Variants in MTUS2 observed in about 807,000 individuals in gnomAD.
The protein encoded by MTUS2 is microtubule-associated tumor suppressor candidate 2.
Under a neutral mutation model 114.1 loss-of-function variants are expected in MTUS2, and 40 were observed. The observed-to-expected ratio is 0.35, with a 90% CI of 0.27 to 0.46. The LOEUF (loss-of-function observed/expected upper bound fraction) is 0.46, where lower values mean the gene tolerates loss of function less well. MTUS2 is among the 20% of genes least tolerant of loss of function. The pLI, the probability that MTUS2 is intolerant of heterozygous loss-of-function variation, is 1.00. For missense variants in MTUS2, 1,679 were observed against 1,705.4 expected (o/e 0.98, Z 0.27); for synonymous variants, 688 against 672.0 (o/e 1.02, Z -0.37).
chr13:29,332,184 G>T (rs1324990233), intron 7 of MTUS2, among the ~76,000 whole-genome samples: 2 of 152,134 alleles, frequency 1.3e-5, no homozygotes, highest in Non-Finnish European at 1.5e-5. Context: ...GAATCCATCC[G>T]GTCCTGGGCC....
chr13:29,435,596 T>C (rs746321903), intron 8 of MTUS2, among the ~76,000 whole-genome samples: 1 of 152,174 alleles, frequency 6.6e-6, no homozygotes, highest in African/African-American at 2.4e-5. Context: ...GAATAACTTT[T>C]TGAGGCAAAG....
chr13:29,478,328 G>A (rs1324927100), intron 9 of MTUS2, among the ~76,000 whole-genome samples: 3 of 152,160 alleles, frequency 2.0e-5, no homozygotes. Context: ...TGGTTAAGTT[G>A]GGGAAAGCCC....
intron 5 of MTUS2, among the ~76,000 whole-genome samples, chr13:29,236,300 T>A (rs1382832135): frequency 6.6e-6 from 1 of 152,332 alleles, no homozygotes; most frequent in East Asian, 1.9e-4. Flanking sequence ...AATATTGTCT[T>A]GTATTCGATA....
At chr13:29,062,177 G>T (rs1011594240) in intron 4 of MTUS2, among the ~76,000 whole-genome samples, 3 of 152,048 alleles carry the variant, frequency 2.0e-5, no homozygotes, top group Non-Finnish European at 1.5e-5. Flanking sequence ...GTAGAGACGG[G>T]GTTTCACCAT....
intron 8 of MTUS2, among the ~76,000 whole-genome samples, chr13:29,406,681 G>A (rs986175170): frequency 5.3e-5 from 8 of 152,174 alleles, no homozygotes; most frequent in African/African-American, 1.9e-4. Flanking sequence ...TCAGAAGATG[G>A]GAATCACTGG....
chr13:29,225,511 A>G (rs1225430809), intron 5 of MTUS2, among the ~76,000 whole-genome samples: 2 of 152,324 alleles, frequency 1.3e-5, no homozygotes, highest in East Asian at 3.9e-4. Flanking sequence ...CTTTTGGTAA[A>G]TCATATCATG....
chr13:29,088,973 T>C (rs897963451), intron 4 of MTUS2, among the ~76,000 whole-genome samples: 9 of 152,214 alleles, frequency 5.9e-5, no homozygotes, highest in Non-Finnish European at 1.3e-4. Flanking sequence ...TCAATATTGA[T>C]ATGTGGTTTG....
intron 2 of MTUS2, among the ~76,000 whole-genome samples, chr13:28,874,945 G>C (rs1877844183): frequency 6.6e-6 from 1 of 152,210 alleles, no homozygotes; most frequent in South Asian, 2.1e-4. Context: ...TCCTACACCA[G>C]TCTTTTGTTC....
chr13:28,976,463 T>C (rs2138275805), intron 2 of MTUS2, among the ~76,000 whole-genome samples: 1 of 152,262 alleles, frequency 6.6e-6, no homozygotes, highest in Admixed American at 6.5e-5. Context: ...ATTTTAAGCT[T>C]GGAACAGGTG....
chr13:29,311,025 C>T (rs1311744346), intron 6 of MTUS2, among the ~76,000 whole-genome samples: 1 of 152,146 alleles, frequency 6.6e-6, no homozygotes, highest in Non-Finnish European at 1.5e-5. Flanking sequence ...GATGTATGCA[C>T]ACAATGGATC....
At chr13:28,880,951 A>G (rs951810995) in intron 2 of MTUS2, among the ~76,000 whole-genome samples, 1 of 152,224 alleles carries the variant, frequency 6.6e-6, no homozygotes, top group Admixed American at 6.5e-5. Context: ...ATGGAAACAC[A>G]GAGGACCTAG....
At chr13:28,949,025 T>C (rs1046628669) in intron 2 of MTUS2, among the ~76,000 whole-genome samples, 6 of 152,238 alleles carry the variant, frequency 3.9e-5, no homozygotes, top group Non-Finnish European at 8.8e-5. Flanking sequence ...GTATTTTATA[T>C]GTAGTATATA....
At position 29,281,724 on chromosome 13, in the gene MTUS2, G is replaced by A; in HGVS notation, c.2665G>A (p.Glu889Lys). ...CACAGGTTCAACCTTTGGGAATGAA[G>A]AACAGCCAGTTCTGAAGGCATCTCT... is the stretch of plus-strand genomic sequence containing the variant. ...PATRSTFGNE[E>K]QPVLKASLPS... is the part of the protein sequence containing the mutation. Residue 889 changes from glutamate to lysine, a missense_variant, in exon 6 of 16, where the codon GAA (glutamate) becomes AAA (lysine). By Grantham distance (56) the Glu-to-Lys change is moderately conservative (BLOSUM62 1). Coordinates refer to ENST00000612955, the MANE Select transcript of MTUS2 (RefSeq NM_001033602.4). The A allele has an allele frequency of 2.5e-6, 4 of 1,609,086 alleles. No homozygotes were observed. Among genetic ancestry groups the A allele is most frequent in the Non-Finnish European group, 2.6e-6 (3 of 1,176,068 alleles).
intron 1 of MTUS2, among the ~76,000 whole-genome samples, chr13:28,825,899 G>T (rs1874237273): frequency 6.6e-6 from 1 of 152,120 alleles, no homozygotes; most frequent in Non-Finnish European, 1.5e-5. Context: ...GGCATTTATA[G>T]GAGTCTGGTG....
At chr13:29,341,833 G>C (rs190160480) in intron 7 of MTUS2, among the ~76,000 whole-genome samples, 2 of 152,222 alleles carry the variant, frequency 1.3e-5, no homozygotes, top group Admixed American at 1.3e-4. Context: ...TGTATAAGGT[G>C]AGAGATGAGG....
At chr13:29,316,621 T>A (rs1203507732) in intron 6 of MTUS2, among the ~76,000 whole-genome samples, 1 of 152,176 alleles carries the variant, frequency 6.6e-6, no homozygotes, top group Non-Finnish European at 1.5e-5. Context: ...GCAGTAGAAC[T>A]TGTTACTTCT....
At chr13:29,131,860 A>G (rs373522346) in intron 5 of MTUS2, among the ~76,000 whole-genome samples, 19 of 152,252 alleles carry the variant, frequency 1.2e-4, no homozygotes, top group African/African-American at 4.3e-4. Flanking sequence ...TAATTCTACC[A>G]TCCAGAGACG....
chr13:28,933,413 T>C (rs780127972), intron 2 of MTUS2, among the ~76,000 whole-genome samples: 12 of 152,232 alleles, frequency 7.9e-5, no homozygotes, highest in Non-Finnish European at 1.3e-4. Flanking sequence ...GGCCTTCCAC[T>C]GATCGGATAA....
Position 28,999,687 on chromosome 13 carries a change from A to G in MTUS2, c.-242-24770A>G, listed in dbSNP as rs1173961774. Among the ~76,000 whole-genome samples the G allele has an allele frequency of 2.0e-5, 3 of 152,192 alleles. No homozygotes were observed. In the East Asian group the frequency reaches 5.8e-4, roughly 29 times the overall value. ...TATAGATTGTATTATTGTTAACTGT[A>G]GTCACCCTACTGTGCAATAGAAATC... On this transcript the variant is annotated intron_variant, in intron 2 of 15. Transcript: ENST00000612955.
Sources: allele counts gnomAD v4.1 joint callset (sites outside exome capture counted in the v4.1 genomes callset), GRCh38; gene constraint gnomAD v4.1.1; transcripts MANE v1.5; gene names NCBI Gene and HGNC (gene_info 2026-07-23, HGNC 2026-07-21).